The following MZT2A variants were observed in gnomAD, a reference collection of about 807,000 sequenced individuals.
The protein encoded by MZT2A is mitotic spindle organizing protein 2A.
Under a neutral mutation model 12.4 loss-of-function variants are expected in MZT2A, and 8 were observed. The ratio of observed to expected loss-of-function variants is 0.64; its 90% CI spans 0.38 to 1.16. The LOEUF (loss-of-function observed/expected upper bound fraction) is 1.16. Among genes scored for constraint, MZT2A ranks in the 50% most tolerant of loss-of-function variants. MZT2A has a pLI of 0.01. For synonymous variants in MZT2A, 88 were observed against 107.5 expected, an observed-to-expected ratio of 0.82 and a Z score of 1.12; for missense variants, 181 against 223.6, an observed-to-expected ratio of 0.81 and a Z score of 1.22.
At position 131,472,893 on chromosome 2, in the gene MZT2A, G is replaced by T. The variant is rs71428584; in HGVS notation, c.279-711C>A. 2.7e-5 allele frequency among the ~76,000 whole-genome samples: 4 copies of T among 150,390 alleles called. 1 individual carries two copies. The highest frequency in any genetic ancestry group is 2.6e-4 in the Admixed American group (4 of 15,220). ...TGTGGTTGGAGCCTTGAGGAAGGGG[G>T]ACTATGGACTGAATGGTGTCCCCCC... On this transcript the variant is annotated intron_variant and NMD_transcript_variant, in intron 2 of 4. Transcript: ENST00000427024.
At chr2:131,480,892 T>C (rs1678841091), downstream of MZT2A, 10 of 1,219,128 alleles carry the variant, frequency 8.2e-6, no homozygotes, top group East Asian at 2.5e-4. Flanking sequence ...CCAGAGTTGA[T>C]AATTGATTCA....
chr2:131,473,736 AAAAT>A (rs1678545685), intron 2 of MZT2A, among the ~76,000 whole-genome samples: 1 of 145,304 alleles, frequency 6.9e-6, no homozygotes, highest in Non-Finnish European at 1.5e-5. Context: ...CCAGTGTCAA[AAAAT>A]AAATAAATAA....
chr2:131,480,689 C>A (rs779113770), downstream of MZT2A: 11 of 1,613,598 alleles, frequency 6.8e-6, no homozygotes, highest in Non-Finnish European at 9.3e-6. Flanking sequence ...ACGCGGCCAT[C>A]GCCACCATCA....
chr2:131,487,662 C>A (rs1186725215), intron 2 of MZT2A, among the ~76,000 whole-genome samples: 1 of 152,176 alleles, frequency 6.6e-6, no homozygotes, highest in South Asian at 2.1e-4. Context: ...TGCTATGTTG[C>A]CCAGGCTGGT....
intron 2 of MZT2A, chr2:131,490,876 A>G: frequency 1.3e-6 from 2 of 1,550,044 alleles, no homozygotes; most frequent in Non-Finnish European, 1.7e-6. Context: ...TGTTCCTGGC[A>G]GAGAGAAAGG....
chr2:131,480,322 A>C (rs1678814983), downstream of MZT2A: 1 of 1,612,744 alleles, frequency 6.2e-7, no homozygotes, highest in Admixed American at 1.7e-5. Context: ...GAAGCCATCT[A>C]TGACATATGT....
rs553466853 is a variant in MZT2A at position 131,486,144 on chromosome 2, G to A, written c.320-1926C>T. Among the ~76,000 whole-genome samples the A allele has an allele frequency of 4.0e-5, 6 of 151,136 alleles. No individual in the cohort carries two copies. The East Asian group carries it at 5.8e-4, about 15-fold the overall frequency. On this transcript the variant is annotated intron_variant, in intron 2 of 2. Coordinates refer to ENST00000309451, the MANE Select transcript of MZT2A (RefSeq NM_001085365.2). ...CAAGGAGGAGCGCAGTCAGGAACAC[G>A]TGGTGGGTGATGATTGGCCACCTCA... is the stretch of plus-strand genomic sequence containing the variant.
chr2:131,483,632 G>T (rs145447600), downstream of MZT2A, among the ~76,000 whole-genome samples: 59 of 152,088 alleles, frequency 3.9e-4, no homozygotes, highest in South Asian at 2.7e-3. Context: ...GGAGAATGGC[G>T]CGAACCCAGG....
chr2:131,474,405 CTTTTTT>C (rs70994777), intron 2 of MZT2A, among the ~76,000 whole-genome samples: 266 of 94,840 alleles, frequency 2.8e-3, no homozygotes, highest in Admixed American at 8.9e-3. Context: ...TCTTCTTCTT[CTTTTTT>C]TTTTTTTTTT....
At chr2:131,491,429 A>T (rs1313395336) in intron 2 of MZT2A, 1 of 276,068 alleles carries the variant, frequency 3.6e-6, no homozygotes, top group Non-Finnish European at 7.0e-6. Flanking sequence ...AGAGATCGAG[A>T]CTGTCTTTTG....
At chr2:131,492,959 G>T, upstream of MZT2A, 2 of 1,523,606 alleles carry the variant, frequency 1.3e-6, no homozygotes, top group Non-Finnish European at 1.8e-6. Context: ...CTCCCTGGCC[G>T]GCCGGCCGGC....
chr2:131,492,558 G>A, upstream of MZT2A: 5 of 1,143,512 alleles, frequency 4.4e-6, no homozygotes, highest in Non-Finnish European at 4.3e-6. Context: ...GGGCGCTCAC[G>A]GTGTGCTGAG....
upstream of MZT2A, chr2:131,492,496 G>C (rs980223822): frequency 4.1e-4 from 468 of 1,131,964 alleles, no homozygotes; most frequent in Non-Finnish European, 4.8e-4. Flanking sequence ...GGAGCGGCGG[G>C]AGCGCGGGGA....
At chr2:131,478,012 G>T in intron 2 of MZT2A, 1 of 988,978 alleles carries the variant, frequency 1.0e-6, no homozygotes, top group Non-Finnish European at 1.5e-6. Flanking sequence ...CAGCGATAAA[G>T]GGATCAGTCA....
rs746366166 is a variant in MZT2A at position 131,492,030 on chromosome 2, G to A, written c.171-6C>T. The A allele has an allele frequency of 5.2e-6, 8 of 1,547,926 alleles. No homozygotes were observed. Among genetic ancestry groups the A allele is most frequent in the Non-Finnish European group, 7.0e-6 (8 of 1,147,266 alleles). The stretch of plus-strand genomic sequence containing the variant: ...TCAGCAGGTCCACCAGGATCCTGGC[G>A]GGGACAGACGCGGGGCCGGTGAGCC... On this transcript the variant is annotated splice_region_variant and splice_polypyrimidine_tract_variant and intron_variant, in intron 1 of 2. Coordinates refer to ENST00000309451, the MANE Select transcript of MZT2A (RefSeq NM_001085365.2).
chr2:131,489,583 T>C (rs1484161963), intron 2 of MZT2A: 3 of 152,086 alleles, frequency 2.0e-5, no homozygotes, highest in Non-Finnish European at 4.4e-5. Flanking sequence ...TTAGCCAGGA[T>C]GGTCTCGATC....
chr2:131,493,103 T>C, upstream of MZT2A: 1 of 1,494,004 alleles, frequency 6.7e-7, no homozygotes, highest in Non-Finnish European at 9.0e-7. Context: ...GAATGGCGGC[T>C]TCCACCTCTG....
chr2:131,472,659 G>A (rs1363863964), intron 2 of MZT2A, among the ~76,000 whole-genome samples: 2 of 152,214 alleles, frequency 1.3e-5, no homozygotes, highest in African/African-American at 4.8e-5. Context: ...GTACAGGTCT[G>A]TAGCCAAGGG....
chr2:131,492,109 GGCA>G (rs1679343261), intron 1 of MZT2A, 85 bp from the exon 2 acceptor site: 4 of 1,554,010 alleles, frequency 2.6e-6, no homozygotes, highest in Admixed American at 1.9e-5. Flanking sequence ...CGGGGGCGGG[GGCA>G]GCGGGGGCTC....
Sources: allele counts gnomAD v4.1 joint callset (sites outside exome capture counted in the v4.1 genomes callset), GRCh38; gene constraint gnomAD v4.1.1; transcripts MANE v1.5; gene names NCBI Gene and HGNC (gene_info 2026-07-23, HGNC 2026-07-21).